The following ALPL variants were observed in gnomAD, a reference collection of about 807,000 sequenced individuals.
ALPL encodes alkaline phosphatase, tissue-nonspecific isozyme.
A neutral mutation model predicts 51.3 loss-of-function variants in ALPL; 42 were observed. The observed-to-expected ratio is 0.82, with a 90% confidence interval of 0.64 to 1.06. The LOEUF (loss-of-function observed/expected upper bound fraction) is 1.06, where lower values mean the gene tolerates loss of function less well. ALPL is among the 50% of genes least tolerant of loss of function. The pLI is 0.00. For synonymous variants in ALPL, 279 were observed against 296.4 expected, an observed-to-expected ratio of 0.94 and a Z score of 0.60; for missense variants, 589 against 709.4, an observed-to-expected ratio of 0.83 and a Z score of 1.93.
chr1:21,543,991 CAG>C (rs1570232767), intron 1 of ALPL, among the ~76,000 whole-genome samples: 3 of 152,196 alleles, frequency 2.0e-5, no homozygotes, highest in African/African-American at 7.2e-5. Flanking sequence ...GAGCTTGGCA[CAG>C]GGGTGTCCCT....
At chr1:21,552,753 T>G (rs1644349816) in intron 1 of ALPL, among the ~76,000 whole-genome samples, 2 of 152,190 alleles carry the variant, frequency 1.3e-5, no homozygotes, top group African/African-American at 4.8e-5. Flanking sequence ...TGTTTTATTT[T>G]GTTTTTACTT....
At chr1:21,558,273 G>C (rs959836248) in intron 2 of ALPL, among the ~76,000 whole-genome samples, 8 of 152,184 alleles carry the variant, frequency 5.3e-5, no homozygotes, top group African/African-American at 1.9e-4. Context: ...GTGTGGGGCG[G>C]GCTGATGTCA....
At chr1:21,553,192 A>T (rs967974617) in intron 1 of ALPL, among the ~76,000 whole-genome samples, 3 of 151,728 alleles carry the variant, frequency 2.0e-5, no homozygotes, top group Non-Finnish European at 2.9e-5. Flanking sequence ...TCCGACTTTA[A>T]ATATATATAT....
At chr1:21,533,520 A>C (rs1644057467) in intron 1 of ALPL, among the ~76,000 whole-genome samples, 1 of 152,214 alleles carries the variant, frequency 6.6e-6, no homozygotes. Flanking sequence ...TTTATGGATA[A>C]GGAACCTGAA....
intron 11 of ALPL, 38 bp from the exon 12 acceptor site, chr1:21,577,345 C>T (rs771416636): frequency 6.2e-7 from 1 of 1,612,988 alleles, no homozygotes; most frequent in Admixed American, 1.7e-5. Flanking sequence ...CGCCAGGCCC[C>T]TGGCAGGCTC....
At chr1:21,566,580 C>T (rs1249805937) in intron 6 of ALPL, among the ~76,000 whole-genome samples, 1 of 151,872 alleles carries the variant, frequency 6.6e-6, no homozygotes, top group African/African-American at 2.4e-5. Flanking sequence ...CGTGAGCCAT[C>T]GCGCCCGGCC....
At chr1:21,515,516 G>A (rs1360226126) in intron 1 of ALPL, among the ~76,000 whole-genome samples, 1 of 152,094 alleles carries the variant, frequency 6.6e-6, no homozygotes, top group Non-Finnish European at 1.5e-5. Flanking sequence ...AGCCTCCCAT[G>A]TAGCTGGGAT....
chr1:21,523,460 C>A lies in ALPL; in HGVS notation c.-105+13943C>A, dbSNP rs552086169. On this transcript the variant is annotated intron_variant, in intron 1 of 11. Transcript: ENST00000374840. ...CGTGAAGCTTCCTGCTGGGTAGTTC[C>A]TGGTACCTCTGCTCCAGGTTGGCCA... is the stretch of plus-strand genomic sequence containing the variant. 3.3e-3 allele frequency among the ~76,000 whole-genome samples: 510 copies of A among 152,338 alleles called. 1 individual carries two copies. The highest frequency in any genetic ancestry group is 0.012 in the African/African-American group (479 of 41,572).
At chr1:21,568,391 T>A (rs781157501) in intron 7 of ALPL, 144 bp downstream of exon 7, 4 of 1,085,254 alleles carry the variant, frequency 3.7e-6, no homozygotes, top group African/African-American at 1.6e-5. Context: ...CTAAGAGATA[T>A]ACAAGCAGTA....
At chr1:21,557,107 A>AT (rs201276231) in intron 2 of ALPL, among the ~76,000 whole-genome samples, 20 of 150,776 alleles carry the variant, frequency 1.3e-4, no homozygotes, top group Middle Eastern at 3.4e-3. Flanking sequence ...GCTATGTGCT[A>AT]TTTTTTTTTC....
chr1:21,524,321 G>A (rs1643914884), intron 1 of ALPL, among the ~76,000 whole-genome samples: 1 of 151,996 alleles, frequency 6.6e-6, no homozygotes, highest in Non-Finnish European at 1.5e-5. Flanking sequence ...GCTTTTACAG[G>A]TAAAGAATGG....
At position 21,565,821 on chromosome 1, in the gene ALPL, T is replaced by C. The variant is rs577922218; in HGVS notation, c.648+1605T>C. 3.0e-4 allele frequency among the ~76,000 whole-genome samples: 44 copies of C among 147,054 alleles called. 2 individuals are homozygous for C. In the South Asian group the frequency reaches 9.4e-3, roughly 31 times the overall value. On this transcript the variant is annotated intron_variant, in intron 6 of 11. Coordinates refer to ENST00000374840, the MANE Select transcript of ALPL (RefSeq NM_000478.6). Reference sequence around the variant, plus strand: ...TGGTGTCCACCCTGAAAATAAATACTGTTGCTTAAAAAAAAAAAAGAAAGA... The same window carrying C: ...TGGTGTCCACCCTGAAAATAAATACCGTTGCTTAAAAAAAAAAAAGAAAGA...
intron 1 of ALPL, among the ~76,000 whole-genome samples, chr1:21,543,160 A>C (rs1204227610): frequency 6.6e-6 from 1 of 152,176 alleles, no homozygotes; most frequent in Non-Finnish European, 1.5e-5. Context: ...ATAAAAAAAC[A>C]GCTTCCCAGG....
At chr1:21,531,193 A>T (rs548804918) in intron 1 of ALPL, among the ~76,000 whole-genome samples, 2 of 152,118 alleles carry the variant, frequency 1.3e-5, no homozygotes, top group Non-Finnish European at 2.9e-5. Context: ...TCCTGGTCTC[A>T]AGTGATCCAC....
At chr1:21,553,159 T>TC (rs397745834) in intron 1 of ALPL, among the ~76,000 whole-genome samples, 3 of 151,552 alleles carry the variant, frequency 2.0e-5, no homozygotes, top group Admixed American at 1.3e-4. Context: ...AGTTTTTTTT[T>TC]CCACCTAAAC....
chr1:21,538,220 A>G lies in ALPL; in HGVS notation c.-104-15758A>G, dbSNP rs1420936117. On this transcript the variant is annotated intron_variant, in intron 1 of 11. Transcript: ENST00000374840. Reference sequence around the variant, plus strand: ...GGGTGAGGTGGTGTGCCCAAGGTCAATGGGGGCCTGCTGAGCTGCATGCCC... The same window carrying G: ...GGGTGAGGTGGTGTGCCCAAGGTCAGTGGGGGCCTGCTGAGCTGCATGCCC... 2.6e-5 allele frequency among the ~76,000 whole-genome samples: 4 copies of G among 152,118 alleles called. No homozygotes were observed. The East Asian group carries it at 7.7e-4, about 29-fold the overall frequency.
At position 21,563,037 on chromosome 1, in the gene ALPL, G is replaced by A. The variant is rs552400452; in HGVS notation, c.298-73G>A. 906 of 1,582,174 alleles carry A rather than the reference G, an allele frequency of 5.7e-4. 4 individuals carry two copies. Among genetic ancestry groups the A allele is most frequent in the South Asian group, 2.3e-3 (212 of 90,302 alleles). On this transcript the variant is annotated intron_variant, in intron 4 of 11. Coordinates refer to ENST00000374840, the MANE Select transcript of ALPL (RefSeq NM_000478.6). The stretch of plus-strand genomic sequence containing the variant: ...TCCCTCACGCCCCAGTCCCCATGGT[G>A]TGAGTGTAGGCGGGGTGGGTGCCAC...
rs767794155 is a variant in ALPL at position 21,575,803 on chromosome 1, C to G, written c.1068C>G (p.Asp356Glu). 7 of 1,614,218 alleles carry G rather than the reference C, an allele frequency of 4.3e-6. No homozygotes were observed. Among genetic ancestry groups the G allele is most frequent in the Non-Finnish European group, 5.9e-6 (7 of 1,180,046 alleles). ...KQALHEAVEMDRAIGQAGSLT... is the reference protein window; with the variant it reads ...KQALHEAVEMERAIGQAGSLT... ...CCCTGCATGAGGCGGTGGAGATGGA[C>G]CGGGCCATCGGGCAGGCAGGCAGCT... is the stretch of plus-strand genomic sequence containing the variant. Residue 356 changes from aspartate to glutamate, a missense_variant, in exon 10 of 12, where the codon GAC becomes GAG. By Grantham distance (45) the Asp-to-Glu change is conservative (BLOSUM62 2). Coordinates refer to ENST00000374840, the MANE Select transcript of ALPL (RefSeq NM_000478.6).
In ALPL at chr1:21,568,182, A is replaced by C. The variant is rs747480886; in HGVS notation, c.727A>C (p.Arg243=). ...DVEYESDEKA[R]GTRLDGLDLV... ...GGAGTATGAGAGTGACGAGAAAGCC[A>C]GGGGCACGAGGCTGGACGGCCTGGA... is the stretch of plus-strand genomic sequence containing the variant. The change falls in exon 7 of 12, where the codon AGG becomes CGG. Residue 243 remains arginine (R), a synonymous_variant. Coordinates refer to ENST00000374840, the MANE Select transcript of ALPL (RefSeq NM_000478.6). The C allele has an allele frequency of 6.2e-7, 1 of 1,614,140 alleles. No individual in the cohort carries two copies. Among genetic ancestry groups the C allele is most frequent in the Admixed American group, 1.7e-5 (1 of 60,018 alleles).
Sources: gnomAD v4.1 joint callset for allele counts (sites outside exome capture counted in the v4.1 genomes callset) on GRCh38, gnomAD v4.1.1 for gene constraint, MANE v1.5 for transcripts, NCBI Gene and HGNC (gene_info 2026-07-23, HGNC 2026-07-21) for gene names.